HECTD4: variants seen among roughly 807,000 people sequenced by gnomAD.
HECTD4 encodes the protein HECT domain E3 ubiquitin protein ligase 4.
In HECTD4, 114 loss-of-function variants were observed where a neutral mutation model predicts 471.5. That is an observed-to-expected ratio of 0.24 (90% CI 0.21 to 0.28). The LOEUF is 0.28. Among genes scored for constraint, HECTD4 ranks in the 10% least tolerant of loss-of-function variants. The pLI, the probability that HECTD4 is intolerant of heterozygous loss-of-function variation, is 1.00. For synonymous variants in HECTD4, 2,012 were observed against 2,256.0 expected, an observed-to-expected ratio of 0.89 and a Z score of 3.07; for missense variants, 3,866 against 5,651.5, an observed-to-expected ratio of 0.68 and a Z score of 10.13.
chr12:112,306,633 T>A (rs915916879), intron 6 of HECTD4, among the ~76,000 whole-genome samples: 24 of 152,162 alleles, frequency 1.6e-4, no homozygotes, highest in Admixed American at 1.6e-3. Flanking sequence ...ATAATTTTAT[T>A]TAAAGGACAA....
At position 112,309,569 on chromosome 12, in the gene HECTD4, A is replaced by G; in HGVS notation, c.1017T>C (p.Gly339=). ...AGTTCCATGCAACTGACCTGAGAGTACCATGTAATCCAGATCCCAATTTGC... is the reference window on the plus strand; with the variant it reads ...AGTTCCATGCAACTGACCTGAGAGTGCCATGTAATCCAGATCCCAATTTGC... ...GVSKLGSGLH[G]TLRGFVYCRN... The change falls in exon 5 of 76, where the codon GGT becomes GGC. Residue 339 remains glycine (G), a synonymous_variant. Coordinates refer to ENST00000682272, the MANE Select transcript of HECTD4 (RefSeq NM_001388303.1). The G allele has an allele frequency of 7.0e-7, 1 of 1,434,526 alleles. No homozygotes were observed. Among genetic ancestry groups the G allele is most frequent in the Non-Finnish European group, 9.5e-7 (1 of 1,053,516 alleles). The allele number at this position is 1,434,526 out of a possible 1,614,324, so 88.9% of individuals were successfully genotyped here.
In HECTD4 at chr12:112,377,279, A is replaced by T. The variant is rs117038485; in HGVS notation, c.177+4673T>A. ...GCAAGGCCCCAACTCTAATAAAAAA[A>T]AAAAATAAAACAAAAAAACGGAGCC... On this transcript the variant is annotated intron_variant, in intron 1 of 75. Transcript: ENST00000682272. Among the ~76,000 whole-genome samples the T allele has an allele frequency of 1.4e-3, 216 of 152,222 alleles. 4 individuals carry two copies. The East Asian group carries it at 0.039, about 28-fold the overall frequency.
chr12:112,368,214 A>G (rs1318905990), intron 1 of HECTD4, among the ~76,000 whole-genome samples: 1 of 152,166 alleles, frequency 6.6e-6, no homozygotes, highest in African/African-American at 2.4e-5. Context: ...AAATGTGTCC[A>G]CTCCAAAGTG....
chr12:112,293,996 C>T, intron 7 of HECTD4, among the ~76,000 whole-genome samples: 1 of 152,230 alleles, frequency 6.6e-6, no homozygotes, highest in Middle Eastern at 3.4e-3. Flanking sequence ...ACCTTCTGGG[C>T]TCAAGCAATC....
chr12:112,212,646 G>A lies in HECTD4; in HGVS notation c.7470C>T (p.Asp2490=), dbSNP rs187254440. Residue 2490 remains aspartate (D), a synonymous_variant, in exon 49 of 76, where the codon GAC becomes GAT. Transcript: ENST00000682272. ...TTCTCTCCCAGCCAATTCCTGCCAC[G>A]TCACCTATAGCAGAGAACGGGAAGG... ...VRLDVTLSPG[D]VAGIGWERTE... is the part of the protein sequence containing the mutation. 1.3e-3 allele frequency: 2,156 copies of A among 1,610,308 alleles called. 22 individuals carry two copies. The highest frequency in any genetic ancestry group is 6.4e-3 in the East Asian group (288 of 44,820).
chr12:112,248,769 G>T (rs940826339), intron 25 of HECTD4, among the ~76,000 whole-genome samples: 1 of 151,976 alleles, frequency 6.6e-6, no homozygotes, highest in Non-Finnish European at 1.5e-5. Flanking sequence ...AAATTTTAGG[G>T]TGGCGGTTTC....
rs189781177 is a variant in HECTD4 at position 112,307,708 on chromosome 12, T to C, written c.1164+1045A>G. 6.6e-5 allele frequency among the ~76,000 whole-genome samples: 10 copies of C among 152,342 alleles called. No individual in the cohort carries two copies. The East Asian group carries it at 1.3e-3, about 21-fold the overall frequency. On this transcript the variant is annotated intron_variant, in intron 6 of 75. Coordinates refer to ENST00000682272, the MANE Select transcript of HECTD4 (RefSeq NM_001388303.1). Reference sequence around the variant, plus strand: ...AGTCCCTGTTCTCTAGGACAGGCAGTTGAGTGACAAACAAGAAGAAATGTA... The same window carrying C: ...AGTCCCTGTTCTCTAGGACAGGCAGCTGAGTGACAAACAAGAAGAAATGTA...
At position 112,377,824 on chromosome 12, in the gene HECTD4, C is replaced by T. The variant is rs565014755; in HGVS notation, c.177+4128G>A. On this transcript the variant is annotated intron_variant, in intron 1 of 75. Coordinates refer to ENST00000682272, the MANE Select transcript of HECTD4 (RefSeq NM_001388303.1). ...GGTGGAGGTTGCAGTGAGCCGAGAT[C>T]GCATCACTGCACTCCAGCCTGGGTA... 3.3e-5 allele frequency among the ~76,000 whole-genome samples: 5 copies of T among 151,888 alleles called. No individual in the cohort carries two copies. The South Asian group carries it at 8.3e-4, about 25-fold the overall frequency.
At chr12:112,180,656 G>A (rs2031634942) in intron 62 of HECTD4, among the ~76,000 whole-genome samples, 1 of 152,156 alleles carries the variant, frequency 6.6e-6, no homozygotes, top group Non-Finnish European at 1.5e-5. Context: ...AAGTTTGACT[G>A]TAAAAGAAAC....
In HECTD4 at chr12:112,185,082, G is replaced by C. The variant is rs770215720; in HGVS notation, c.9884C>G (p.Ser3295Cys). 2 of 1,578,720 alleles carry C rather than the reference G, an allele frequency of 1.3e-6. No homozygotes were observed. The highest frequency in any genetic ancestry group is 1.2e-5 in the South Asian group (1 of 86,608). Residue 3295 changes from serine to cysteine, a missense_variant, in exon 61 of 76, where the codon TCC (serine) becomes TGC (cysteine). This residue lies in a region of HECTD4 where 38 missense variants were observed against 72.1 expected (regional missense o/e 0.53). Transcript: ENST00000682272. ...TGGGGTCTGTCCTGGGGAGGACGAG[G>C]AGGAGGAGGACGAGTCACTGAGATT... ...APNLSDSSSSSSSSPGQTPQS... is the reference protein window; with the variant it reads ...APNLSDSSSSCSSSPGQTPQS...
chr12:112,203,618 G>C lies in HECTD4; in HGVS notation c.8406+18C>G. The C allele has an allele frequency of 6.2e-7, 1 of 1,607,112 alleles. No homozygotes were observed. The highest frequency in any genetic ancestry group is 8.5e-7 in the Non-Finnish European group (1 of 1,175,430). ...TATATATAAAATAGCTTATTAATCA[G>C]AATGGCTGTTCACTCACTGAATCAA... On this transcript the variant is annotated intron_variant, in intron 54 of 75. Transcript: ENST00000682272.
chr12:112,274,798 T>A, intron 10 of HECTD4, 49 bp downstream of exon 10: 1 of 1,150,804 alleles, frequency 8.7e-7, no homozygotes, highest in Non-Finnish European at 1.3e-6. Flanking sequence ...CAAGAGAAAT[T>A]TGCTAAAACT....
chr12:112,176,540 A>G lies in HECTD4; in HGVS notation c.11470+56T>C, dbSNP rs916904608. On this transcript the variant is annotated intron_variant, in intron 65 of 75. Transcript: ENST00000682272. ...GAGGCCTGCTCCTCGGGGGGTGCCT[A>G]GTCTCCAGGATGGAAGTAGGTCCCA... 1.0e-4 allele frequency: 128 copies of G among 1,224,566 alleles called. 1 individual carries two copies. In the Admixed American group the frequency reaches 2.1e-3, roughly 20 times the overall value. The allele number at this position is 1,224,566 out of a possible 1,614,324, so 75.9% of individuals were successfully genotyped here.
intron 52 of HECTD4, among the ~76,000 whole-genome samples, chr12:112,207,266 C>A (rs1239035106): frequency 3.9e-5 from 6 of 152,184 alleles, no homozygotes; most frequent in Admixed American, 6.5e-5. Context: ...GTCTCAGCCA[C>A]CGGAGTAGCT....
rs1251002421 is a variant in HECTD4, at chr12:112,382,133, C to T, written c.-5G>A. ...CGCGGCCGCCGACGAGCCCATGGCCCCGGCTGAAGGCTTGGCGCTGAGGAG... is the reference window on the plus strand; with the variant it reads ...CGCGGCCGCCGACGAGCCCATGGCCTCGGCTGAAGGCTTGGCGCTGAGGAG... On this transcript the variant is annotated 5_prime_UTR_variant, in exon 1 of 76. Coordinates refer to ENST00000682272, the MANE Select transcript of HECTD4 (RefSeq NM_001388303.1). 2.5e-6 allele frequency: 3 copies of T among 1,221,672 alleles called. No homozygotes were observed. The highest frequency in any genetic ancestry group is 3.1e-6 in the Non-Finnish European group (3 of 983,260). The allele number at this position is 1,221,672 out of a possible 1,614,324, so 75.7% of individuals were successfully genotyped here.
chr12:112,367,170 C>T (rs144727523), intron 1 of HECTD4, among the ~76,000 whole-genome samples: 148 of 150,980 alleles, frequency 9.8e-4, no homozygotes, highest in African/African-American at 3.1e-3. Context: ...GGTGTGGTGG[C>T]GCACACCTGT....
chr12:112,318,031 C>T (rs60569935), intron 2 of HECTD4, among the ~76,000 whole-genome samples: 23,251 of 148,426 alleles, frequency 0.16, 2,422 homozygotes, highest in African/African-American at 0.3. Context: ...TTCCAGTACT[C>T]TTGGAGGCTG....
chr12:112,208,224 AC>A (rs1265411603), intron 51 of HECTD4, among the ~76,000 whole-genome samples: 1 of 152,226 alleles, frequency 6.6e-6, no homozygotes, highest in Non-Finnish European at 1.5e-5. Flanking sequence ...CCATAGAAGC[AC>A]TTTCACAGGA....
chr12:112,327,742 C>T (rs2035774018), intron 1 of HECTD4, among the ~76,000 whole-genome samples: 1 of 152,142 alleles, frequency 6.6e-6, no homozygotes, highest in South Asian at 2.1e-4. Flanking sequence ...ACACAAGTAC[C>T]ACAGGAAATG....
Sources: allele counts gnomAD v4.1 joint callset (sites outside exome capture counted in the v4.1 genomes callset), GRCh38; gene constraint gnomAD v4.1.1; regional missense constraint gnomAD v4.1.1; transcripts MANE v1.5; gene names NCBI Gene and HGNC (gene_info 2026-07-23, HGNC 2026-07-21).